The following NUTM2G variants were observed in gnomAD, a reference collection of about 807,000 sequenced individuals.
NUTM2G encodes family with sequence similarity 22, member G.
NUTM2G carries 29 observed loss-of-function variants against 44.3 expected under a neutral mutation model. That is an observed-to-expected ratio of 0.66 (90% confidence interval 0.49 to 0.89). The LOEUF is 0.89. Among genes scored for constraint, NUTM2G ranks in the 40% least tolerant of loss-of-function variants. The probability of loss-of-function intolerance (pLI) is 0.00; values close to 1 mark genes in which losing one functional copy is unlikely to be tolerated. For synonymous variants in NUTM2G, 205 were observed against 395.9 expected, an observed-to-expected ratio of 0.52 and a Z score of 5.72; for missense variants, 502 against 946.5, an observed-to-expected ratio of 0.53 and a Z score of 6.16.
In NUTM2G at chr9:96,934,826, G is replaced by A. The variant is rs558193447; in HGVS notation, c.714-502G>A. Among the ~76,000 whole-genome samples the A allele has an allele frequency of 5.0e-3, 754 of 152,258 alleles. 8 individuals carry two copies. Among genetic ancestry groups the A allele is most frequent in the African/African-American group, 0.017 (718 of 41,544 alleles). On this transcript the variant is annotated intron_variant, in intron 2 of 6. Transcript: ENST00000372322. The stretch of plus-strand genomic sequence containing the variant: ...CCAGTTCCAGAGGCCAGAAGTCCCA[G>A]ATCAAGGTGACAGCGGATTGGGTGT...
chr9:96,934,797 T>C (rs954997192), intron 2 of NUTM2G, among the ~76,000 whole-genome samples: 1 of 152,116 alleles, frequency 6.6e-6, no homozygotes, highest in Non-Finnish European at 1.5e-5. Context: ...CACATTCATG[T>C]CTCCCAGTTC....
chr9:96,937,047 C>T lies in NUTM2G; in HGVS notation c.983-17C>T. 6.3e-7 allele frequency: 1 copy of T among 1,591,046 alleles called. No homozygotes were observed. Among genetic ancestry groups the T allele is most frequent in the Non-Finnish European group, 8.5e-7 (1 of 1,172,712 alleles). Reference sequence around the variant, plus strand: ...AGCGGCCCTCACCACACCCATCCTCCTCCCTCTCTGCCTCAGTGTACCTTC... The same window carrying T: ...AGCGGCCCTCACCACACCCATCCTCTTCCCTCTCTGCCTCAGTGTACCTTC... On this transcript the variant is annotated splice_polypyrimidine_tract_variant and intron_variant, in intron 4 of 6. Transcript: ENST00000372322.
In NUTM2G at chr9:96,938,069, C is replaced by G. The variant is rs1181483757; in HGVS notation, c.1440+68C>G. 3 of 1,603,688 alleles carry G rather than the reference C, an allele frequency of 1.9e-6. No individual in the cohort carries two copies. The Admixed American group carries it at 5.0e-5, about 27-fold the overall frequency. On this transcript the variant is annotated intron_variant, in intron 6 of 6. Transcript: ENST00000372322. ...GGAGGGACCCGGCACACAAGGCCCACCCGACTGTCTAAGCCCACCCTGCTG... is the reference window on the plus strand; with the variant it reads ...GGAGGGACCCGGCACACAAGGCCCAGCCGACTGTCTAAGCCCACCCTGCTG...
chr9:96,934,358 C>T lies in NUTM2G; in HGVS notation c.714-970C>T, dbSNP rs145455044. On this transcript the variant is annotated intron_variant, in intron 2 of 6. Transcript: ENST00000372322. ...CCCCTGCCTGGGGTGTAGGTGAAGG[C>T]GGTCCCGTCTTCCTCCCCAACAGTC... Among the ~76,000 whole-genome samples, 1,003 of 152,148 alleles carry T rather than the reference C, an allele frequency of 6.6e-3. 9 individuals are homozygous for T. Among genetic ancestry groups the T allele is most frequent in the African/African-American group, 0.022 (932 of 41,484 alleles).
intron 3 of NUTM2G, among the ~76,000 whole-genome samples, chr9:96,936,020 G>C (rs1441288931): frequency 6.7e-6 from 1 of 149,750 alleles, no homozygotes; most frequent in Admixed American, 6.7e-5. Context: ...CTCCTGACCA[G>C]GGGTCTCCCG....
chr9:96,930,938 G>A (rs1472923921), intron 1 of NUTM2G, among the ~76,000 whole-genome samples: 3 of 124,642 alleles, frequency 2.4e-5, no homozygotes, highest in Admixed American at 9.8e-5. Context: ...TCTGTCACCC[G>A]GGCTGGAATG....
At chr9:96,938,159 T>C (rs987990104) in intron 6 of NUTM2G, among the ~76,000 whole-genome samples, 158 bp downstream of exon 6, 2 of 149,500 alleles carry the variant, frequency 1.3e-5, no homozygotes, top group Non-Finnish European at 3.0e-5. Context: ...GGGAGTAGGA[T>C]GGAGAGGAGC....
rs572799579 is a variant in NUTM2G at position 96,932,056 on chromosome 9, A to T, written c.351A>T (p.Gly117=). 1 of 1,609,172 alleles carries T rather than the reference A, an allele frequency of 6.2e-7. No homozygotes were observed. Among genetic ancestry groups the T allele is most frequent in the African/African-American group, 1.3e-5 (1 of 74,840 alleles). ...GGCAGGCTCCAGGCACCCTCTGTGG[A>T]GGTGTCATGTGTCCACCTCCCCTAC... ...LVWQAPGTLC[G]GVMCPPPLLL... The change falls in exon 2 of 7, where the codon GGA becomes GGT. Residue 117 remains glycine, a synonymous_variant. Transcript: ENST00000372322.
intron 1 of NUTM2G, 40 bp from the exon 2 acceptor site, chr9:96,931,682 G>C: frequency 6.2e-7 from 1 of 1,608,728 alleles, no homozygotes; most frequent in South Asian, 1.1e-5. Flanking sequence ...AGTGGACCTG[G>C]AGACGCCAGC....
chr9:96,929,084 C>T lies in NUTM2G; in HGVS notation c.16+44C>T, dbSNP rs777073988. The T allele has an allele frequency of 2.0e-5, 33 of 1,611,056 alleles. 1 individual carries two copies. The East Asian group carries it at 7.5e-4, about 36-fold the overall frequency. On this transcript the variant is annotated intron_variant, in intron 1 of 6. Coordinates refer to ENST00000372322, the MANE Select transcript of NUTM2G (RefSeq NM_001170741.3). ...GGCATTATCCTAGTCTGCCTTGCCT[C>T]AACTCCTTGGGAATTCAAATTTGAA...
At chr9:96,935,142 A>T (rs1046223963) in intron 2 of NUTM2G, among the ~76,000 whole-genome samples, 186 bp from the exon 3 acceptor site, 1 of 152,206 alleles carries the variant, frequency 6.6e-6, no homozygotes, top group Non-Finnish European at 1.5e-5. Context: ...GAGGCCACTC[A>T]GTGGCTTCTG....
At chr9:96,936,387 G>C in intron 3 of NUTM2G, 38 bp from the exon 4 acceptor site, 1 of 1,556,024 alleles carries the variant, frequency 6.4e-7, no homozygotes, top group Non-Finnish European at 8.6e-7. Flanking sequence ...AGGGGGCCTG[G>C]ACCCTCTCAG....
At position 96,935,473 on chromosome 9, in the gene NUTM2G, G is replaced by A. The variant is rs2119035485; in HGVS notation, c.842+17G>A. Reference sequence around the variant, plus strand: ...GGCGGCAAAGTGAGTCTGGGGTCCTGGGGGCAGGGCCCGTGTGGCGGGGTG... The same window carrying A: ...GGCGGCAAAGTGAGTCTGGGGTCCTAGGGGCAGGGCCCGTGTGGCGGGGTG... On this transcript the variant is annotated intron_variant, in intron 3 of 6. Coordinates refer to ENST00000372322, the MANE Select transcript of NUTM2G (RefSeq NM_001170741.3). The A allele has an allele frequency of 2.5e-6, 4 of 1,612,030 alleles. No homozygotes were observed. The highest frequency in any genetic ancestry group is 3.4e-6 in the Non-Finnish European group (4 of 1,179,848).
chr9:96,935,796 G>A (rs918710858), intron 3 of NUTM2G, among the ~76,000 whole-genome samples: 2 of 152,142 alleles, frequency 1.3e-5, no homozygotes, highest in East Asian at 1.9e-4. Context: ...AAGACAGAGT[G>A]GGGGGCAGGC....
Position 96,930,871 on chromosome 9 carries a change from G to GTTTTTTTTT in NUTM2G, c.17-851_17-850insTTTTTTTTT, listed in dbSNP as rs1310362219. Among the ~76,000 whole-genome samples, 3 of 104,404 alleles carry GTTTTTTTTT rather than the reference G, an allele frequency of 2.9e-5. 1 individual carries two copies. The highest frequency in any genetic ancestry group is 7.5e-5 in the African/African-American group (2 of 26,804). The allele number at this position is 104,404 out of a possible 152,430, so 68.5% of individuals were successfully genotyped here. On this transcript the variant is annotated intron_variant, in intron 1 of 6. Coordinates refer to ENST00000372322, the MANE Select transcript of NUTM2G (RefSeq NM_001170741.3). ...TGGCTTGGGCGAGTTTCCATCCAGT[G>GTTTTTTTTT]GTTTTTTTTTTTTTTTTTTTTTTTT... is the stretch of plus-strand genomic sequence containing the variant.
intron 2 of NUTM2G, chr9:96,933,665 C>A (rs1472717277): frequency 6.6e-6 from 1 of 152,436 alleles, no homozygotes; most frequent in Non-Finnish European, 1.5e-5. Flanking sequence ...AGCCACCGCA[C>A]CCACCCTGGG....
intron 1 of NUTM2G, among the ~76,000 whole-genome samples, chr9:96,930,836 C>G (rs1826215370): frequency 7.4e-6 from 1 of 134,842 alleles, no homozygotes; most frequent in Non-Finnish European, 1.5e-5. Context: ...CTTCAGGGTT[C>G]CTAGGGCGCT....
At chr9:96,932,505 G>A (rs1436320414) in intron 2 of NUTM2G, 87 bp downstream of exon 2, 6 of 1,201,612 alleles carry the variant, frequency 5.0e-6, no homozygotes, top group Admixed American at 2.1e-5. Context: ...CTGTTCAGGG[G>A]AGCTTGCAGG....
chr9:96,930,256 G>C (rs553978276), intron 1 of NUTM2G, among the ~76,000 whole-genome samples: 1 of 152,226 alleles, frequency 6.6e-6, no homozygotes, highest in African/African-American at 2.4e-5. Context: ...CGGGCGCGGT[G>C]GCTCACGCCT....
Sources: allele counts gnomAD v4.1 joint callset (sites outside exome capture counted in the v4.1 genomes callset), GRCh38; gene constraint gnomAD v4.1.1; transcripts MANE v1.5; gene names NCBI Gene and HGNC (gene_info 2026-07-23, HGNC 2026-07-21).